The following SPTLC2 variants were observed in gnomAD, a reference collection of about 807,000 sequenced individuals.
SPTLC2 encodes serine palmitoyltransferase long chain base subunit 2.
SPTLC2 carries 21 observed loss-of-function variants against 62.0 expected under a neutral mutation model. That is an observed-to-expected ratio of 0.34 (90% confidence interval 0.24 to 0.49). The LOEUF (loss-of-function observed/expected upper bound fraction) is 0.49, where lower values mean the gene tolerates loss of function less well. Ranked by LOEUF, SPTLC2 falls within the 20% of genes least tolerant of loss-of-function variation. The pLI is 0.99. For missense variants in SPTLC2, 511 were observed against 713.0 expected, an observed-to-expected ratio of 0.72 and a Z score of 3.23; for synonymous variants, 261 against 261.8, an observed-to-expected ratio of 1.00 and a Z score of 0.03.
rs145218669 is a variant in SPTLC2, at chr14:77,507,806, G to T, written c.*4478C>A. On this transcript the variant is annotated 3_prime_UTR_variant, in exon 12 of 12. Transcript: ENST00000216484. ...TCTGGGACTGAAAAAAAAAATCCCTGTAAGTTCTTGGCTTAGTAGCCAAAA... is the reference window on the plus strand; with the variant it reads ...TCTGGGACTGAAAAAAAAAATCCCTTTAAGTTCTTGGCTTAGTAGCCAAAA... 4.7e-3 allele frequency: 723 copies of T among 152,284 alleles called. 2 individuals carry two copies. Among genetic ancestry groups the T allele is most frequent in the Admixed American group, 0.01 (159 of 15,292 alleles). 9.4% of individuals were successfully genotyped at this position (152,284 alleles called of 1,614,324 possible). A position where few individuals can be genotyped will look rare whatever the true frequency, so the allele number is the denominator to read the frequency against.
At chr14:77,523,128 C>A (rs970424156) in intron 9 of SPTLC2, among the ~76,000 whole-genome samples, 4 of 152,208 alleles carry the variant, frequency 2.6e-5, no homozygotes, top group Admixed American at 1.3e-4. Flanking sequence ...ATGTTGGGAA[C>A]TGATGAGCCA....
chr14:77,581,403 C>CT (rs1323442380), intron 2 of SPTLC2, among the ~76,000 whole-genome samples: 32 of 93,284 alleles, frequency 3.4e-4, no homozygotes, highest in African/African-American at 1.0e-3. Flanking sequence ...GATACCATCT[C>CT]TCTTTTTTTT....
In SPTLC2 at chr14:77,510,066, T is replaced by A; in HGVS notation, c.*2218A>T. 1 of 397,348 alleles carries A rather than the reference T, an allele frequency of 2.5e-6. No individual in the cohort carries two copies. Among genetic ancestry groups the A allele is most frequent in the Non-Finnish European group, 4.4e-6 (1 of 225,486 alleles). The allele number at this position is 397,348 out of a possible 1,614,324, so 24.6% of individuals were successfully genotyped here. On this transcript the variant is annotated 3_prime_UTR_variant, in exon 12 of 12. Coordinates refer to ENST00000216484, the MANE Select transcript of SPTLC2 (RefSeq NM_004863.4). ...AAGCTATGTGGTATTCCAGTGGGAT[T>A]CTATGGTAGGAAACTAGATGTGCAG... is the stretch of plus-strand genomic sequence containing the variant.
chr14:77,514,916 G>A (rs1478940794), intron 11 of SPTLC2, among the ~76,000 whole-genome samples: 6 of 152,094 alleles, frequency 3.9e-5, no homozygotes, highest in Non-Finnish European at 8.8e-5. Flanking sequence ...CTTTGTTTTG[G>A]CTTCTTTCAT....
intron 9 of SPTLC2, among the ~76,000 whole-genome samples, chr14:77,536,726 A>G (rs1326328172): frequency 6.6e-6 from 1 of 152,086 alleles, no homozygotes; most frequent in East Asian, 1.9e-4. Flanking sequence ...AAAAAGAAGA[A>G]AAAAAAACCT....
intron 1 of SPTLC2, among the ~76,000 whole-genome samples, chr14:77,615,890 T>C (rs968930500): frequency 7.9e-5 from 12 of 152,160 alleles, no homozygotes; most frequent in Non-Finnish European, 1.5e-5. Flanking sequence ...CCAGCTTGGA[T>C]TCCCTGCCAG....
rs1368251890 is a variant in SPTLC2, at chr14:77,508,088, G to A, written c.*4196C>T. On this transcript the variant is annotated 3_prime_UTR_variant, in exon 12 of 12. Coordinates refer to ENST00000216484, the MANE Select transcript of SPTLC2 (RefSeq NM_004863.4). ...CTGTCACCCAGGCTGGAGTGCAGGG[G>A]TGCAATCATGGCTCACTGCAGCCTT... is the stretch of plus-strand genomic sequence containing the variant. 2.0e-5 allele frequency: 3 copies of A among 152,254 alleles called. No individual in the cohort carries two copies. Among genetic ancestry groups the A allele is most frequent in the Non-Finnish European group, 4.4e-5 (3 of 68,138 alleles). The allele number at this position is 152,254 out of a possible 1,614,324, so 9.4% of individuals were successfully genotyped here.
chr14:77,571,829 C>T lies in SPTLC2; in HGVS notation c.632-1321G>A, dbSNP rs542603841. Among the ~76,000 whole-genome samples, 163 of 152,190 alleles carry T rather than the reference C, an allele frequency of 1.1e-3. 4 individuals carry two copies. The highest frequency in any genetic ancestry group is 7.0e-3 in the South Asian group (34 of 4,828). On this transcript the variant is annotated intron_variant, in intron 4 of 11. Coordinates refer to ENST00000216484, the MANE Select transcript of SPTLC2 (RefSeq NM_004863.4). ...TTTGAGAGAGAGAGTCTCGCACTGT[C>T]GCCCAGGCTGGAGTGCAGTGGCGCA...
At chr14:77,588,416 C>T (rs2079794847) in intron 2 of SPTLC2, among the ~76,000 whole-genome samples, 1 of 151,764 alleles carries the variant, frequency 6.6e-6, no homozygotes, top group Admixed American at 6.6e-5. Flanking sequence ...TATAGTTGGA[C>T]GCAGTGGTGG....
chr14:77,585,165 C>T (rs1015101439), intron 2 of SPTLC2, among the ~76,000 whole-genome samples: 1 of 152,220 alleles, frequency 6.6e-6, no homozygotes, highest in Non-Finnish European at 1.5e-5. Context: ...ATGCCTAATT[C>T]TCTGTTGGCT....
At chr14:77,524,269 G>A (rs149177874) in intron 9 of SPTLC2, among the ~76,000 whole-genome samples, 3,064 of 152,156 alleles carry the variant, frequency 0.02, 55 homozygotes, top group Non-Finnish European at 0.03. Flanking sequence ...ATGGGAAGGC[G>A]GCTGATAGCA....
At chr14:77,536,143 T>C (rs555105487) in intron 9 of SPTLC2, 3 of 343,566 alleles carry the variant, frequency 8.7e-6, no homozygotes, top group African/African-American at 2.2e-5. Context: ...AGGTCAAGAC[T>C]ACTGCTTCCA....
At chr14:77,515,915 G>A (rs561127377) in intron 11 of SPTLC2, among the ~76,000 whole-genome samples, 1 of 130,424 alleles carries the variant, frequency 7.7e-6, no homozygotes, top group South Asian at 2.7e-4. Flanking sequence ...CATTGCTGGT[G>A]TATAAAAGCA....
At chr14:77,605,714 T>C (rs2079901446) in intron 1 of SPTLC2, among the ~76,000 whole-genome samples, 1 of 152,216 alleles carries the variant, frequency 6.6e-6, no homozygotes, top group Non-Finnish European at 1.5e-5. Flanking sequence ...CTAAATTTCA[T>C]AACAGCCCTA....
intron 1 of SPTLC2, among the ~76,000 whole-genome samples, chr14:77,605,379 T>C (rs1370617639): frequency 6.6e-6 from 1 of 152,198 alleles, no homozygotes; most frequent in Non-Finnish European, 1.5e-5. Context: ...ACTTCCAGGT[T>C]AGCTTTAATA....
chr14:77,537,549 C>T (rs1477927356), intron 9 of SPTLC2, among the ~76,000 whole-genome samples: 2 of 152,010 alleles, frequency 1.3e-5, no homozygotes, highest in Admixed American at 6.6e-5. Flanking sequence ...GTTATGTATT[C>T]GAACTAATTT....
At chr14:77,585,653 G>GA (rs2079777035) in intron 2 of SPTLC2, among the ~76,000 whole-genome samples, 1 of 151,666 alleles carries the variant, frequency 6.6e-6, no homozygotes, top group Admixed American at 6.6e-5. Flanking sequence ...CCAGTGCAGG[G>GA]AAAAAAAACT....
At chr14:77,550,349 C>A (rs527952025) in intron 9 of SPTLC2, among the ~76,000 whole-genome samples, 1 of 152,300 alleles carries the variant, frequency 6.6e-6, no homozygotes, top group East Asian at 1.9e-4. Flanking sequence ...TCAAGGCAGG[C>A]AGGTCACCTG....
chr14:77,575,011 C>T (rs2079706521), intron 4 of SPTLC2, among the ~76,000 whole-genome samples: 1 of 152,158 alleles, frequency 6.6e-6, no homozygotes, highest in Non-Finnish European at 1.5e-5. Context: ...ATTTCAAGAA[C>T]ACCCTGGGCA....
Sources: gnomAD v4.1 joint callset for allele counts (sites outside exome capture counted in the v4.1 genomes callset) on GRCh38, gnomAD v4.1.1 for gene constraint, MANE v1.5 for transcripts, NCBI Gene and HGNC (gene_info 2026-07-23, HGNC 2026-07-21) for gene names.